Variants in STK3 observed in about 807,000 individuals in gnomAD.
The protein encoded by STK3 is serine/threonine-protein kinase 3.
STK3 carries 41 observed loss-of-function variants against 58.0 expected under a neutral mutation model. The observed-to-expected ratio is 0.71, with a 90% CI of 0.55 to 0.92. STK3 has a LOEUF of 0.92. Among genes scored for constraint, STK3 ranks in the 40% least tolerant of loss-of-function variants. The pLI is 0.00. For missense variants in STK3, 479 were observed against 602.7 expected (o/e 0.79, Z 2.15); for synonymous variants, 170 against 191.0 (o/e 0.89, Z 0.91).
intron 6 of STK3, among the ~76,000 whole-genome samples, chr8:98,680,998 T>TTGG (rs1823594847): frequency 6.6e-6 from 1 of 151,016 alleles, no homozygotes; most frequent in African/African-American, 2.4e-5. Context: ...TTTTTTTTTT[T>TTGG]TGGTGTTGTT....
intron 3 of STK3, chr8:98,430,613 A>G (rs577144086): frequency 6.0e-6 from 1 of 167,190 alleles, no homozygotes; most frequent in East Asian, 1.9e-4. Flanking sequence ...CTGCCATGAC[A>G]TGGAAACCTG....
intron 7 of STK3, among the ~76,000 whole-genome samples, chr8:98,582,374 A>AT (rs1813992871): frequency 6.6e-6 from 1 of 151,938 alleles, no homozygotes; most frequent in Non-Finnish European, 1.5e-5. Flanking sequence ...CCATTCATGC[A>AT]TTTTTTAAGT....
downstream of STK3, among the ~76,000 whole-genome samples, chr8:98,397,663 G>C (rs1817907637): frequency 6.6e-6 from 1 of 152,268 alleles, no homozygotes; most frequent in Non-Finnish European, 1.5e-5. Flanking sequence ...GGTTGGCTCT[G>C]TGTCCCCACC....
chr8:98,673,549 T>C (rs1822982110), intron 6 of STK3, among the ~76,000 whole-genome samples: 2 of 151,584 alleles, frequency 1.3e-5, no homozygotes. Flanking sequence ...AGATAAAATA[T>C]ATAAATCCAT....
intron 6 of STK3, among the ~76,000 whole-genome samples, chr8:98,699,501 T>C (rs1219651422): frequency 6.6e-6 from 1 of 151,548 alleles, no homozygotes; most frequent in Non-Finnish European, 1.5e-5. Context: ...TTTTATCTAC[T>C]TTTGGTCTTT....
chr8:98,682,541 A>G (rs556426169), intron 6 of STK3, among the ~76,000 whole-genome samples: 1 of 152,276 alleles, frequency 6.6e-6, no homozygotes, highest in South Asian at 2.1e-4. Context: ...ACATTTAATT[A>G]TGCAAATTAA....
chr8:98,770,105 T>G (rs1251049657), intron 2 of STK3, among the ~76,000 whole-genome samples: 1 of 152,072 alleles, frequency 6.6e-6, no homozygotes, highest in Non-Finnish European at 1.5e-5. Context: ...AATCCCCAAA[T>G]CCTATCAAGC....
chr8:98,417,516 A>AAAATAAAT (rs57825054), intron 3 of STK3, among the ~76,000 whole-genome samples: 68 of 150,228 alleles, frequency 4.5e-4, no homozygotes, highest in Middle Eastern at 6.8e-3. Context: ...TCTGTCTCAA[A>AAAATAAAT]AAATAAATAA....
intron 3 of STK3, among the ~76,000 whole-genome samples, chr8:98,395,753 A>G (rs1817891958): frequency 6.6e-6 from 1 of 152,352 alleles, no homozygotes; most frequent in African/African-American, 2.4e-5. Flanking sequence ...CAACTGGGGA[A>G]GGATTACAAA....
chr8:98,526,951 G>A, intron 9 of STK3, 34 bp from the exon 10 acceptor site: 1 of 1,422,362 alleles, frequency 7.0e-7, no homozygotes, highest in Non-Finnish European at 9.3e-7. Context: ...GAAGGTATAA[G>A]TTCTTACATT....
Position 98,898,463 on chromosome 8 carries a change from G to C in STK3, c.-78-14629C>G, listed in dbSNP as rs527929856. On this transcript the variant is annotated intron_variant, in intron 1 of 1. Coordinates refer to the STK3 transcript ENST00000519420. ...GGGAATAGTCAAGCCACTTTATGTA[G>C]GGAATAACTGATTTGGGTCATCATT... 5.3e-5 allele frequency among the ~76,000 whole-genome samples: 8 copies of C among 152,306 alleles called. No homozygotes were observed. In the South Asian group the frequency reaches 1.7e-3, roughly 32 times the overall value.
chr8:98,716,739 G>A (rs1735065063), intron 4 of STK3, among the ~76,000 whole-genome samples: 1 of 151,836 alleles, frequency 6.6e-6, no homozygotes, highest in Admixed American at 6.6e-5. Flanking sequence ...GAAGAACAAA[G>A]CTAAAATTCT....
chr8:98,885,832 G>T (rs1837968030), intron 1 of STK3, among the ~76,000 whole-genome samples: 1 of 152,190 alleles, frequency 6.6e-6, no homozygotes, highest in African/African-American at 2.4e-5. Flanking sequence ...TGGGTGAATG[G>T]TTAGACTGTG....
At chr8:98,909,471 A>G (rs1300809466) in intron 1 of STK3, among the ~76,000 whole-genome samples, 3 of 152,214 alleles carry the variant, frequency 2.0e-5, no homozygotes, top group Admixed American at 6.5e-5. Context: ...CATCACTTCA[A>G]AAAGAAATCT....
At chr8:98,438,522 G>A (rs1380787611) in intron 1 of STK3, 1 of 152,242 alleles carries the variant, frequency 6.6e-6, no homozygotes, top group Non-Finnish European at 1.5e-5. Flanking sequence ...CCATTTGCCA[G>A]GCCCTGTGCT....
chr8:98,545,451 G>T (rs1006031482), intron 9 of STK3, among the ~76,000 whole-genome samples: 105 of 152,032 alleles, frequency 6.9e-4, no homozygotes, highest in African/African-American at 2.4e-3. Flanking sequence ...ATGCCCATAG[G>T]GTCCACGTCC....
intron 1 of STK3, among the ~76,000 whole-genome samples, chr8:98,891,222 G>A (rs1838188450): frequency 6.6e-6 from 1 of 152,240 alleles, no homozygotes; most frequent in Non-Finnish European, 1.5e-5. Context: ...CAAAGAAAGT[G>A]CTGGCAGCCC....
chr8:98,926,693 C>T (rs779256775), intron 1 of STK3, among the ~76,000 whole-genome samples: 85 of 152,180 alleles, frequency 5.6e-4, no homozygotes, highest in Middle Eastern at 3.4e-3. Context: ...AAATTAAGGC[C>T]GTTAAGAAAT....
intron 7 of STK3, among the ~76,000 whole-genome samples, chr8:98,591,538 T>C (rs1005568685): frequency 2.6e-5 from 4 of 152,248 alleles, no homozygotes; most frequent in African/African-American, 9.6e-5. Context: ...GACTCAAGAA[T>C]ACTCAAATAA....
Sources: allele counts gnomAD v4.1 joint callset (sites outside exome capture counted in the v4.1 genomes callset), GRCh38; gene constraint gnomAD v4.1.1; transcripts MANE v1.5; gene names NCBI Gene and HGNC (gene_info 2026-07-23, HGNC 2026-07-21).